The following MACROD2 variants were observed in gnomAD, a reference collection of about 807,000 sequenced individuals.
The protein encoded by MACROD2 is ADP-ribose glycohydrolase MACROD2.
In MACROD2, 36 loss-of-function variants were observed where a neutral mutation model predicts 70.4. The ratio of observed to expected loss-of-function variants is 0.51; its 90% CI spans 0.39 to 0.68. The LOEUF is 0.68. Among genes scored for constraint, MACROD2 ranks in the 30% least tolerant of loss-of-function variants. The pLI, the probability that MACROD2 is intolerant of heterozygous loss-of-function variation, is 0.00. For missense variants in MACROD2, 496 were observed against 538.4 expected, an observed-to-expected ratio of 0.92 and a Z score of 0.78; for synonymous variants, 172 against 178.8, an observed-to-expected ratio of 0.96 and a Z score of 0.30.
chr20:14,361,964 C>T (rs893638975), intron 3 of MACROD2, among the ~76,000 whole-genome samples: 2 of 152,206 alleles, frequency 1.3e-5, no homozygotes, highest in African/African-American at 4.8e-5. Context: ...CATTTATTGA[C>T]GTCTCTGGTT....
intron 11 of MACROD2, 43 bp from the exon 12 acceptor site, chr20:15,937,432 CG>C (rs780213842): frequency 6.3e-7 from 1 of 1,596,216 alleles, no homozygotes; most frequent in Non-Finnish European, 8.6e-7. Flanking sequence ...GCTGGACTTC[CG>C]GAAGGATGAA....
chr20:15,489,650 G>C (rs2047203304), intron 7 of MACROD2, among the ~76,000 whole-genome samples: 1 of 152,184 alleles, frequency 6.6e-6, no homozygotes, highest in Admixed American at 6.5e-5. Flanking sequence ...CCATGTGTTT[G>C]GTGCTCTGAA....
intron 5 of MACROD2, among the ~76,000 whole-genome samples, chr20:14,742,616 C>A (rs1241542708): frequency 6.6e-6 from 1 of 150,954 alleles, no homozygotes; most frequent in Non-Finnish European, 1.5e-5. Context: ...TGGTTGAAAT[C>A]TGAAGCATAG....
chr20:15,420,840 C>A (rs1156910364), intron 6 of MACROD2, among the ~76,000 whole-genome samples: 1 of 152,096 alleles, frequency 6.6e-6, no homozygotes, highest in Admixed American at 6.6e-5. Context: ...AATCCCAGCA[C>A]TTTGGCAGGC....
chr20:15,754,683 C>CT (rs536927554), intron 8 of MACROD2, among the ~76,000 whole-genome samples: 21,814 of 132,698 alleles, frequency 0.16, 3,506 homozygotes, highest in African/African-American at 0.42. Flanking sequence ...TCTATTCAAT[C>CT]TTTTTTTTTT....
intron 7 of MACROD2, among the ~76,000 whole-genome samples, chr20:15,499,402 CT>C (rs376444278): frequency 6.6e-5 from 10 of 151,358 alleles, no homozygotes; most frequent in Non-Finnish European, 1.0e-4. Flanking sequence ...GACACATGTA[CT>C]TTTTTTTTAA....
At chr20:15,532,523 G>A (rs1344279224) in intron 8 of MACROD2, among the ~76,000 whole-genome samples, 3 of 152,038 alleles carry the variant, frequency 2.0e-5, no homozygotes, top group African/African-American at 7.3e-5. Context: ...AGAGAGAAAA[G>A]TGAGGTATAT....
Position 15,923,401 on chromosome 20 carries a change from GC to G in MACROD2, c.776-9870del, listed in dbSNP as rs201318880. 4.6e-3 allele frequency among the ~76,000 whole-genome samples: 706 copies of G among 152,120 alleles called. 4 individuals are homozygous for G. Among genetic ancestry groups the G allele is most frequent in the Non-Finnish European group, 7.9e-3 (535 of 67,988 alleles). Reference sequence around the variant, plus strand: ...CATGAGAATAGCACAAGAAAGACCGGCCCCCATGATTCAATTACCTCCCTGG... The same window carrying G: ...CATGAGAATAGCACAAGAAAGACCGGCCCCATGATTCAATTACCTCCCTGG... On this transcript the variant is annotated intron_variant, in intron 10 of 17. Coordinates refer to ENST00000684519, the MANE Select transcript of MACROD2 (RefSeq NM_001351661.2).
At chr20:15,129,986 G>C (rs1278736170) in intron 5 of MACROD2, among the ~76,000 whole-genome samples, 1 of 152,020 alleles carries the variant, frequency 6.6e-6, no homozygotes, top group African/African-American at 2.4e-5. Context: ...TTCTTCTCTT[G>C]TCCCTGTGCT....
At chr20:15,661,535 G>A (rs1202123274) in intron 8 of MACROD2, among the ~76,000 whole-genome samples, 1 of 152,160 alleles carries the variant, frequency 6.6e-6, no homozygotes, top group Non-Finnish European at 1.5e-5. Context: ...ACACTGTCAA[G>A]CCATTCACGA....
At chr20:14,930,810 G>T (rs1343804182) in intron 5 of MACROD2, among the ~76,000 whole-genome samples, 9 of 113,496 alleles carry the variant, frequency 7.9e-5, no homozygotes, top group South Asian at 3.0e-4. Flanking sequence ...CTGTTCCCAT[G>T]TTTTCATTCA....
chr20:14,574,871 C>G (rs896304567), intron 4 of MACROD2, among the ~76,000 whole-genome samples: 13 of 147,098 alleles, frequency 8.8e-5, no homozygotes, highest in African/African-American at 3.2e-4. Context: ...ATTAGCCGGG[C>G]GCGGTGGCGG....
intron 6 of MACROD2, among the ~76,000 whole-genome samples, chr20:15,235,799 G>T (rs1297004860): frequency 1.3e-5 from 2 of 152,086 alleles, no homozygotes; most frequent in Non-Finnish European, 2.9e-5. Context: ...CTTTCATTTG[G>T]TACCTCTGCT....
At chr20:14,815,226 AG>A (rs1426761060) in intron 5 of MACROD2, among the ~76,000 whole-genome samples, 1 of 152,020 alleles carries the variant, frequency 6.6e-6, no homozygotes. Context: ...CCTGGAGATA[AG>A]TTGTGTCTAG....
At chr20:16,025,293 GA>G in intron 15 of MACROD2, among the ~76,000 whole-genome samples, 1 of 152,282 alleles carries the variant, frequency 6.6e-6, no homozygotes, top group East Asian at 1.9e-4. Context: ...AAGTCAGCTT[GA>G]CAACTGCAGG....
intron 5 of MACROD2, among the ~76,000 whole-genome samples, chr20:15,107,873 A>C (rs1224283556): frequency 2.0e-5 from 3 of 152,162 alleles, no homozygotes; most frequent in Admixed American, 2.0e-4. Context: ...ATAGATAATA[A>C]AAGACTTTTC....
intron 5 of MACROD2, among the ~76,000 whole-genome samples, chr20:15,084,979 A>G (rs952371032): frequency 2.0e-5 from 3 of 152,192 alleles, no homozygotes; most frequent in Non-Finnish European, 4.4e-5. Flanking sequence ...GAGAAAGAAG[A>G]ACAAAGTTGT....
intron 5 of MACROD2, among the ~76,000 whole-genome samples, chr20:14,816,366 A>G (rs867904786): frequency 3.9e-5 from 6 of 152,038 alleles, no homozygotes; most frequent in African/African-American, 1.4e-4. Context: ...AATTCCTAAC[A>G]TTTTAAGGAT....
rs1488914530 is a variant in MACROD2, at chr20:14,548,498, C to G, written c.301+54990C>G. 1.3e-4 allele frequency among the ~76,000 whole-genome samples: 2 copies of G among 15,034 alleles called. 1 individual carries two copies. Among genetic ancestry groups the G allele is most frequent in the Non-Finnish European group, 3.7e-4 (2 of 5,404 alleles). The allele number at this position is 15,034 out of a possible 152,430, so 9.9% of individuals were successfully genotyped here. A position where few individuals can be genotyped will look rare whatever the true frequency, so the allele number is the denominator to read the frequency against. On this transcript the variant is annotated intron_variant, in intron 4 of 17. Transcript: ENST00000684519. ...CTTTGGGAGGCTGAGGCGGGCGGATCACGAGGTCAGGAGATCGAGACCATC... is the reference window on the plus strand; with the variant it reads ...CTTTGGGAGGCTGAGGCGGGCGGATGACGAGGTCAGGAGATCGAGACCATC...
Sources: allele counts gnomAD v4.1 joint callset (sites outside exome capture counted in the v4.1 genomes callset), GRCh38; gene constraint gnomAD v4.1.1; transcripts MANE v1.5; gene names NCBI Gene and HGNC (gene_info 2026-07-23, HGNC 2026-07-21).